FGD4: variants seen among roughly 807,000 people sequenced by gnomAD.
FGD4 encodes FYVE, RhoGEF and PH domain containing 4.
In FGD4, 42 loss-of-function variants were observed where a neutral mutation model predicts 102.0. The observed-to-expected ratio is 0.41, with a 90% CI of 0.32 to 0.53. The LOEUF is 0.53. Among genes scored for constraint, FGD4 ranks in the 20% least tolerant of loss-of-function variants. The pLI is 0.21. For missense variants in FGD4, 902 were observed against 1,078.2 expected, an observed-to-expected ratio of 0.84 and a Z score of 2.29; for synonymous variants, 380 against 375.7, an observed-to-expected ratio of 1.01 and a Z score of -0.13.
intron 1 of FGD4, among the ~76,000 whole-genome samples, chr12:32,486,829 A>G (rs1943917177): frequency 6.6e-6 from 1 of 152,192 alleles, no homozygotes; most frequent in Non-Finnish European, 1.5e-5. Flanking sequence ...GTTTTTGTTC[A>G]GAGAAACATT....
At chr12:32,504,533 G>A (rs1565782639) in intron 1 of FGD4, among the ~76,000 whole-genome samples, 1 of 152,178 alleles carries the variant, frequency 6.6e-6, no homozygotes, top group Non-Finnish European at 1.5e-5. Context: ...ATCCTTACTT[G>A]TGGGGGTGAA....
chr12:32,591,602 G>A (rs905263706), intron 4 of FGD4, among the ~76,000 whole-genome samples: 3 of 152,212 alleles, frequency 2.0e-5, no homozygotes, highest in South Asian at 2.1e-4. Context: ...AGAATGAATC[G>A]CTGATGCCAC....
intron 1 of FGD4, among the ~76,000 whole-genome samples, chr12:32,458,008 T>A (rs981630752): frequency 3.4e-4 from 52 of 152,152 alleles, no homozygotes; most frequent in Middle Eastern, 3.4e-3. Flanking sequence ...TTTTTTTTTT[T>A]AATTTTCATT....
At position 32,540,986 on chromosome 12, in the gene FGD4, TAGTC is replaced by T. The variant is rs531166076; in HGVS notation, c.167-23148_167-23145del. Among the ~76,000 whole-genome samples the T allele has an allele frequency of 1.6e-3, 245 of 152,284 alleles. 2 individuals are homozygous for T. The highest frequency in any genetic ancestry group is 4.9e-3 in the African/African-American group (202 of 41,532). Reference sequence around the variant, plus strand: ...TCGTTATATCATTGAATGAATAAAATAGTCAGACTTTTTATTTGTAGGAGAAAAA... The same window carrying T: ...TCGTTATATCATTGAATGAATAAAATAGACTTTTTATTTGTAGGAGAAAAA... On this transcript the variant is annotated intron_variant, in intron 1 of 16. Transcript: ENST00000534526.
chr12:32,484,630 C>T (rs556612482), intron 1 of FGD4, among the ~76,000 whole-genome samples: 5 of 152,136 alleles, frequency 3.3e-5, no homozygotes, highest in Admixed American at 3.3e-4. Context: ...CCAGCATTTT[C>T]GGAGGCCGAG....
At chr12:32,441,852 A>G (rs1427437939) in intron 1 of FGD4, among the ~76,000 whole-genome samples, 1 of 152,046 alleles carries the variant, frequency 6.6e-6, no homozygotes, top group Non-Finnish European at 1.5e-5. Context: ...GGGCTGGTTT[A>G]AACGCTCCCT....
At chr12:32,446,719 ACAG>A (rs1184825190) in intron 1 of FGD4, among the ~76,000 whole-genome samples, 1 of 152,198 alleles carries the variant, frequency 6.6e-6, no homozygotes, top group Non-Finnish European at 1.5e-5. Flanking sequence ...AGCCCTATCA[ACAG>A]CATGCGCGTG....
At chr12:32,605,440 C>T (rs1592379404) in intron 7 of FGD4, among the ~76,000 whole-genome samples, 4 of 152,048 alleles carry the variant, frequency 2.6e-5, no homozygotes, top group African/African-American at 7.2e-5. Context: ...AGGCAGAGCA[C>T]AAAGTTTGCC....
At chr12:32,533,330 G>T (rs1040890529) in intron 1 of FGD4, among the ~76,000 whole-genome samples, 1 of 152,166 alleles carries the variant, frequency 6.6e-6, no homozygotes, top group African/African-American at 2.4e-5. Context: ...CAAAGAGGAG[G>T]GGGTTGGAGA....
At chr12:32,566,863 G>C (rs1304734691) in intron 2 of FGD4, among the ~76,000 whole-genome samples, 2 of 152,194 alleles carry the variant, frequency 1.3e-5, no homozygotes, top group Admixed American at 6.5e-5. Flanking sequence ...GAATGGTGAG[G>C]TTGCTGGGAC....
intron 1 of FGD4, among the ~76,000 whole-genome samples, chr12:32,429,458 T>C (rs1195308073): frequency 6.6e-6 from 1 of 152,214 alleles, no homozygotes; most frequent in East Asian, 1.9e-4. Flanking sequence ...ACAAGGTGTC[T>C]GTTGACCCCT....
At chr12:32,601,152 C>T in intron 5 of FGD4, 126 bp from the exon 6 acceptor site, 2 of 928,308 alleles carry the variant, frequency 2.2e-6, no homozygotes, top group South Asian at 1.5e-5. Flanking sequence ...TCAAAGGATT[C>T]TCTTGAACTG....
intron 1 of FGD4, among the ~76,000 whole-genome samples, chr12:32,485,253 A>G (rs1252506848): frequency 6.6e-6 from 1 of 152,178 alleles, no homozygotes; most frequent in Non-Finnish European, 1.5e-5. Flanking sequence ...TTGTTTTTAT[A>G]TAGAAATTAC....
chr12:32,526,926 T>C (rs1052089690), intron 1 of FGD4, among the ~76,000 whole-genome samples: 2 of 152,168 alleles, frequency 1.3e-5, no homozygotes, highest in African/African-American at 4.8e-5. Context: ...AGATATAGTA[T>C]TACGTCGCAT....
chr12:32,601,431 G>A lies in FGD4; in HGVS notation c.1247+8G>A. 3 of 1,610,774 alleles carry A rather than the reference G, an allele frequency of 1.9e-6. No homozygotes were observed. The highest frequency in any genetic ancestry group is 2.5e-6 in the Non-Finnish European group (3 of 1,178,032). ...GAAACGAATGCAAGAATGGTAAGAG[G>A]AGTAGATAGAAAATGATATGTTTAA... On this transcript the variant is annotated splice_region_variant and intron_variant, in intron 6 of 16. Transcript: ENST00000534526.
intron 7 of FGD4, among the ~76,000 whole-genome samples, chr12:32,606,442 G>A (rs911422441): frequency 2.0e-5 from 3 of 149,894 alleles, no homozygotes; most frequent in Non-Finnish European, 2.9e-5. Flanking sequence ...ATTACTTTAC[G>A]TCTTCTATTT....
chr12:32,466,654 G>C (rs1314512794), intron 1 of FGD4, among the ~76,000 whole-genome samples: 1 of 151,986 alleles, frequency 6.6e-6, no homozygotes, highest in Non-Finnish European at 1.5e-5. Context: ...GATTGCTTGA[G>C]GCCAGGAGTT....
chr12:32,590,106 T>C (rs1405014171), intron 4 of FGD4, among the ~76,000 whole-genome samples: 1 of 151,920 alleles, frequency 6.6e-6, no homozygotes, highest in African/African-American at 2.4e-5. Flanking sequence ...TCAGGAGTTC[T>C]AGACCAGCCT....
intron 1 of FGD4, among the ~76,000 whole-genome samples, chr12:32,529,288 A>G (rs979347935): frequency 1.3e-4 from 20 of 151,830 alleles, no homozygotes; most frequent in African/African-American, 4.4e-4. Context: ...CACCACGCCC[A>G]GTTAATTTTT....
Sources: allele counts gnomAD v4.1 joint callset (sites outside exome capture counted in the v4.1 genomes callset), GRCh38; gene constraint gnomAD v4.1.1; transcripts MANE v1.5; gene names NCBI Gene and HGNC (gene_info 2026-07-23, HGNC 2026-07-21).